Variants in MTSS1 observed in about 807,000 individuals in gnomAD.
The protein encoded by MTSS1 is MTSS I-BAR domain containing 1, also known as protein MTSS 1.
Under a neutral mutation model 79.0 loss-of-function variants are expected in MTSS1, and 18 were observed. That is an observed-to-expected ratio of 0.23 (90% CI 0.16 to 0.34). MTSS1 has a LOEUF of 0.34. Among genes scored for constraint, MTSS1 ranks in the 10% least tolerant of loss-of-function variants. The pLI is 1.00. For synonymous variants in MTSS1, 341 were observed against 368.6 expected, an observed-to-expected ratio of 0.93 and a Z score of 0.86; for missense variants, 815 against 986.2, an observed-to-expected ratio of 0.83 and a Z score of 2.33.
At chr8:124,576,373 T>C (rs1828959694) in intron 6 of MTSS1, among the ~76,000 whole-genome samples, 1 of 152,162 alleles carries the variant, frequency 6.6e-6, no homozygotes, top group Non-Finnish European at 1.5e-5. Context: ...TGGGGCAGTC[T>C]CATGGGACTG....
intron 3 of MTSS1, among the ~76,000 whole-genome samples, chr8:124,690,824 A>G (rs1827820089): frequency 6.6e-6 from 1 of 152,220 alleles, no homozygotes; most frequent in African/African-American, 2.4e-5. Flanking sequence ...CCATAACTCC[A>G]TCAACTGAAA....
chr8:124,727,726 C>G lies in MTSS1; in HGVS notation c.72+158G>C. 2.9e-6 allele frequency: 2 copies of G among 690,592 alleles called. No homozygotes were observed. Among genetic ancestry groups the G allele is most frequent in the Non-Finnish European group, 5.1e-6 (2 of 395,132 alleles). The allele number at this position is 690,592 out of a possible 1,614,324, so 42.8% of individuals were successfully genotyped here. A position where few individuals can be genotyped will look rare whatever the true frequency, so the allele number is the denominator to read the frequency against. Reference sequence around the variant, plus strand: ...ACCCCGCAGAGCCCGGAGCAGCGCCCCGGGTGAGCAGGTGACACTCCGGCC... The same window carrying G: ...ACCCCGCAGAGCCCGGAGCAGCGCCGCGGGTGAGCAGGTGACACTCCGGCC... On this transcript the variant is annotated intron_variant, in intron 1 of 13. Coordinates refer to ENST00000518547, the MANE Select transcript of MTSS1 (RefSeq NM_014751.6). This position sits in a 1 kb window ranked among gnomAD's most constrained non-coding sequence, Gnocchi z 4.7.
intron 6 of MTSS1, among the ~76,000 whole-genome samples, chr8:124,575,570 G>GTT (rs1828801571): frequency 1.1e-5 from 1 of 93,496 alleles, no homozygotes; most frequent in African/African-American, 3.3e-5. Flanking sequence ...GGGTAGGGTG[G>GTT]GTTTTTTGTT....
chr8:124,571,395 A>T (rs76879998), intron 6 of MTSS1, among the ~76,000 whole-genome samples: 3,328 of 152,292 alleles, frequency 0.022, 57 homozygotes, highest in African/African-American at 0.045. Flanking sequence ...AAAGCTGTAA[A>T]CCCTTGCTTT....
At chr8:124,671,039 TTTTTTC>T (rs967286331) in intron 3 of MTSS1, among the ~76,000 whole-genome samples, 46 of 81,046 alleles carry the variant, frequency 5.7e-4, no homozygotes, top group Middle Eastern at 5.8e-3. Flanking sequence ...AACATTTTTC[TTTTTTC>T]TTTTTCTTTT....
At chr8:124,652,482 A>ACAT (rs2134194713) in intron 3 of MTSS1, among the ~76,000 whole-genome samples, 1 of 152,306 alleles carries the variant, frequency 6.6e-6, no homozygotes, top group African/African-American at 2.4e-5. Flanking sequence ...TGTCTTCTAT[A>ACAT]CATTAACAAT....
intron 3 of MTSS1, among the ~76,000 whole-genome samples, chr8:124,651,652 T>C (rs16899923): frequency 0.043 from 6,481 of 152,206 alleles, 452 homozygotes; most frequent in African/African-American, 0.15. Flanking sequence ...TCGGTTTTCC[T>C]GGGACATAAG....
At chr8:124,662,820 G>T (rs186928947) in intron 3 of MTSS1, among the ~76,000 whole-genome samples, 2 of 152,220 alleles carry the variant, frequency 1.3e-5, no homozygotes, top group East Asian at 3.9e-4. Flanking sequence ...AAATTCTTGG[G>T]AGGAAACAGA....
At position 124,699,928 on chromosome 8, in the gene MTSS1, C is replaced by G. The variant is rs373921978; in HGVS notation, c.135-329G>C. ...TTGGGAGGCTGAGGTGGGTGGATCA[C>G]TTGAGATCAAGAGTTCGAGACCAAC... On this transcript the variant is annotated intron_variant, in intron 2 of 13. Transcript: ENST00000518547. Among the ~76,000 whole-genome samples, 80 of 152,268 alleles carry G rather than the reference C, an allele frequency of 5.3e-4. 1 individual carries two copies. In the East Asian group the frequency reaches 5.4e-3, roughly 10 times the overall value.
At chr8:124,561,696 G>A (rs1483614867) in intron 10 of MTSS1, among the ~76,000 whole-genome samples, 1 of 152,046 alleles carries the variant, frequency 6.6e-6, no homozygotes, top group Admixed American at 6.5e-5. Flanking sequence ...AGAACAGCCC[G>A]GAGGAACTGC....
At chr8:124,649,116 A>G (rs1819511190) in intron 3 of MTSS1, among the ~76,000 whole-genome samples, 1 of 152,282 alleles carries the variant, frequency 6.6e-6, no homozygotes, top group Non-Finnish European at 1.5e-5. Flanking sequence ...AAACTATGGC[A>G]GCAGGCCAAA....
chr8:124,653,015 T>C (rs1453048262), intron 3 of MTSS1, among the ~76,000 whole-genome samples: 1 of 152,250 alleles, frequency 6.6e-6, no homozygotes. Context: ...TATCTGTCTA[T>C]TGCAGCGTGA....
Position 124,671,732 on chromosome 8 carries a change from C to T in MTSS1, c.208+27794G>A, listed in dbSNP as rs1168121329. On this transcript the variant is annotated intron_variant, in intron 3 of 13. Coordinates refer to ENST00000518547, the MANE Select transcript of MTSS1 (RefSeq NM_014751.6). Reference sequence around the variant, plus strand: ...ACTTCATCTTGACAACAGAACAACACCAGACGCCTCTTATATAAGAGGTGT... The same window carrying T: ...ACTTCATCTTGACAACAGAACAACATCAGACGCCTCTTATATAAGAGGTGT... Among the ~76,000 whole-genome samples, 5 of 152,156 alleles carry T rather than the reference C, an allele frequency of 3.3e-5. No homozygotes were observed. In the East Asian group the frequency reaches 7.7e-4, roughly 23 times the overall value.
At chr8:124,643,210 A>G (rs992103637) in intron 3 of MTSS1, among the ~76,000 whole-genome samples, 2 of 152,144 alleles carry the variant, frequency 1.3e-5, no homozygotes, top group Non-Finnish European at 2.9e-5. Flanking sequence ...GCAATCCCAC[A>G]TGAGGACTCC....
chr8:124,654,089 C>T (rs1244778509), intron 3 of MTSS1, among the ~76,000 whole-genome samples: 1 of 152,196 alleles, frequency 6.6e-6, no homozygotes, highest in African/African-American at 2.4e-5. Flanking sequence ...CGTCTTACTG[C>T]TACCCCACAC....
rs545859106 is a variant in MTSS1, at chr8:124,656,369, T to C, written c.208+43157A>G. Among the ~76,000 whole-genome samples the C allele has an allele frequency of 9.3e-4, 141 of 151,690 alleles. 1 individual carries two copies. Among genetic ancestry groups the C allele is most frequent in the Non-Finnish European group, 1.7e-3 (115 of 67,944 alleles). On this transcript the variant is annotated intron_variant, in intron 3 of 13. Coordinates refer to ENST00000518547, the MANE Select transcript of MTSS1 (RefSeq NM_014751.6). The stretch of plus-strand genomic sequence containing the variant: ...AGCTAAATGAGCCTAAATCCATTCA[T>C]AGGAGGAAAACAAGCACACAAAAGT...
intron 3 of MTSS1, among the ~76,000 whole-genome samples, chr8:124,695,116 T>G (rs1484434431): frequency 2.0e-5 from 3 of 152,220 alleles, no homozygotes; most frequent in Non-Finnish European, 4.4e-5. Flanking sequence ...GTGACTAGTA[T>G]TCAAAGTTTT....
At chr8:124,567,002 G>C (rs1004598816) in intron 8 of MTSS1, 69 bp downstream of exon 8, 70 of 1,197,692 alleles carry the variant, frequency 5.8e-5, no homozygotes, top group Non-Finnish European at 8.5e-5. Context: ...CATGCCACAG[G>C]AACACTCAGG....
intron 3 of MTSS1, among the ~76,000 whole-genome samples, chr8:124,688,218 CGTGT>C (rs959560538): frequency 1.3e-5 from 2 of 151,122 alleles, no homozygotes; most frequent in East Asian, 1.9e-4. Flanking sequence ...TGTATATATG[CGTGT>C]GTATGTGTAT....
Sources: gnomAD v4.1 joint callset for allele counts (sites outside exome capture counted in the v4.1 genomes callset) on GRCh38, gnomAD v4.1.1 for gene constraint, Gnocchi (gnomAD v3.1) non-coding constraint, MANE v1.5 for transcripts, NCBI Gene and HGNC (gene_info 2026-07-23, HGNC 2026-07-21) for gene names.